GXYLT2: variants seen among roughly 807,000 people sequenced by gnomAD.
The protein encoded by GXYLT2 is glycosyltransferase 8 domain containing 4.
Under a neutral mutation model 45.8 loss-of-function variants are expected in GXYLT2, and 53 were observed. The ratio of observed to expected loss-of-function variants is 1.16; its 90% CI spans 0.93 to 1.46. The LOEUF (loss-of-function observed/expected upper bound fraction) is 1.46. Ranked by LOEUF, GXYLT2 falls within the 40% of genes most tolerant of loss-of-function variation. The pLI is 0.00. For missense variants in GXYLT2, 551 were observed against 544.4 expected, an observed-to-expected ratio of 1.01 and a Z score of -0.12; for synonymous variants, 219 against 214.2, an observed-to-expected ratio of 1.02 and a Z score of -0.19.
Position 72,888,177 on chromosome 3 carries a change from C to A in GXYLT2, c.-57C>A. On this transcript the variant is annotated 5_prime_UTR_variant, in exon 1 of 7. Transcript: ENST00000389617. ...GCTGCTGCACTCATCCTGCCGCCGC[C>A]GCGATGCGCAGAGGGGCCGAGCCGC... 1.0e-6 allele frequency: 1 copy of A among 980,424 alleles called. No homozygotes were observed. Among genetic ancestry groups the A allele is most frequent in the Non-Finnish European group, 1.2e-6 (1 of 827,268 alleles). 60.7% of individuals were successfully genotyped at this position (980,424 alleles called of 1,614,324 possible). A position where few individuals can be genotyped will look rare whatever the true frequency, so the allele number is the denominator to read the frequency against.
chr3:72,920,090 G>A (rs532428447), intron 2 of GXYLT2, among the ~76,000 whole-genome samples: 1 of 151,806 alleles, frequency 6.6e-6, no homozygotes, highest in East Asian at 1.9e-4. Context: ...CTTTTTTCTT[G>A]TTTGTTTTCA....
In GXYLT2 at chr3:72,894,327, A is replaced by T. The variant is rs1301723162; in HGVS notation, c.275+5819A>T. ...GAACTAGATGGTTCTTTTAAATCAA[A>T]ATCTTGGGACTATTGATGGAGAGAA... is the stretch of plus-strand genomic sequence containing the variant. On this transcript the variant is annotated intron_variant, in intron 1 of 6. Transcript: ENST00000389617. Among the ~76,000 whole-genome samples the T allele has an allele frequency of 4.6e-5, 7 of 152,208 alleles. No individual in the cohort carries two copies. In the East Asian group the frequency reaches 5.8e-4, roughly 13 times the overall value.
chr3:72,973,656 A>G (rs989118193), intron 6 of GXYLT2, among the ~76,000 whole-genome samples: 1 of 152,182 alleles, frequency 6.6e-6, no homozygotes, highest in Non-Finnish European at 1.5e-5. Context: ...AGAAGTCGCC[A>G]TATTTGGGAT....
chr3:72,913,644 A>C (rs1041655725), intron 2 of GXYLT2, among the ~76,000 whole-genome samples: 3 of 152,038 alleles, frequency 2.0e-5, no homozygotes, highest in African/African-American at 7.2e-5. Context: ...GCAGTGAGCC[A>C]AGATTACGCC....
intron 1 of GXYLT2, among the ~76,000 whole-genome samples, chr3:72,903,650 A>C (rs935607934): frequency 1.8e-4 from 27 of 152,160 alleles, no homozygotes; most frequent in African/African-American, 6.5e-4. Context: ...CCTGCCCTAC[A>C]TGGTGTTTGG....
intron 2 of GXYLT2, among the ~76,000 whole-genome samples, chr3:72,917,071 G>A (rs1017901540): frequency 6.6e-6 from 1 of 152,100 alleles, no homozygotes; most frequent in Non-Finnish European, 1.5e-5. Context: ...TCGGAAGATA[G>A]GATGCTAACA....
chr3:72,960,093 C>T (rs968926681), intron 5 of GXYLT2, among the ~76,000 whole-genome samples: 26 of 152,296 alleles, frequency 1.7e-4, no homozygotes, highest in African/African-American at 5.8e-4. Context: ...TTACAGGCAC[C>T]TGCCACCACA....
At chr3:72,923,383 C>G (rs555855211) in intron 3 of GXYLT2, among the ~76,000 whole-genome samples, 1 of 152,148 alleles carries the variant, frequency 6.6e-6, no homozygotes, top group Non-Finnish European at 1.5e-5. Flanking sequence ...CCATCACACT[C>G]CAGCCTACCT....
intron 4 of GXYLT2, 144 bp from the exon 5 acceptor site, chr3:72,957,085 T>C: frequency 1.2e-6 from 1 of 815,854 alleles, no homozygotes; most frequent in Non-Finnish European, 1.8e-6. Context: ...TTTTGCTTTG[T>C]TCTGTGACCT....
chr3:72,922,839 G>T (rs1390030650), intron 3 of GXYLT2, among the ~76,000 whole-genome samples: 1 of 152,032 alleles, frequency 6.6e-6, no homozygotes, highest in African/African-American at 2.4e-5. Context: ...AAATCTTGAG[G>T]CCGGCATGGC....
Position 72,888,377 on chromosome 3 carries a change from G to A in GXYLT2, c.144G>A (p.Ala48=), listed in dbSNP as rs993423692. Residue 48 remains alanine, a synonymous_variant, in exon 1 of 7, where the codon GCG becomes GCA. Transcript: ENST00000389617. ...RPASAPQRHP[A]PVPARWPGPG... ...CGTCCGCCCCGCAGCGCCACCCCGC[G>A]CCTGTCCCCGCGCGCTGGCCGGGGC... is the stretch of plus-strand genomic sequence containing the variant. The A allele has an allele frequency of 3.3e-5, 33 of 985,172 alleles. No homozygotes were observed. The highest frequency in any genetic ancestry group is 3.7e-5 in the Non-Finnish European group (31 of 831,610). 61.0% of individuals were successfully genotyped at this position (985,172 alleles called of 1,614,324 possible).
chr3:72,919,127 C>T (rs1003361642), intron 2 of GXYLT2, among the ~76,000 whole-genome samples: 1 of 152,162 alleles, frequency 6.6e-6, no homozygotes, highest in African/African-American at 2.4e-5. Flanking sequence ...AATTGAACTC[C>T]TAAGTATTTA....
chr3:72,927,738 G>A (rs1455742103), intron 3 of GXYLT2, among the ~76,000 whole-genome samples: 1 of 151,990 alleles, frequency 6.6e-6, no homozygotes, highest in Non-Finnish European at 1.5e-5. Flanking sequence ...AGCACCAAGA[G>A]GCCATAAATT....
chr3:72,953,800 A>C (rs1710573722), intron 3 of GXYLT2, among the ~76,000 whole-genome samples: 1 of 152,312 alleles, frequency 6.6e-6, no homozygotes, highest in Admixed American at 6.5e-5. Flanking sequence ...TCTTAGCTAA[A>C]AATACATTTT....
Position 72,921,907 on chromosome 3 carries a change from C to A in GXYLT2, c.469-297C>A, listed in dbSNP as rs185746372. ...GTGGTGAATGTCCTTGTACCTCTGTCTTTTGGGGTGTTGTTACCAGTTTCC... is the reference window on the plus strand; with the variant it reads ...GTGGTGAATGTCCTTGTACCTCTGTATTTTGGGGTGTTGTTACCAGTTTCC... On this transcript the variant is annotated intron_variant, in intron 2 of 6. Transcript: ENST00000389617. 5.9e-5 allele frequency among the ~76,000 whole-genome samples: 9 copies of A among 152,218 alleles called. No homozygotes were observed. The East Asian group carries it at 1.5e-3, about 26-fold the overall frequency.
At chr3:72,948,613 T>C (rs1028932956) in intron 3 of GXYLT2, among the ~76,000 whole-genome samples, 25 of 151,524 alleles carry the variant, frequency 1.6e-4, no homozygotes, top group Non-Finnish European at 1.5e-5. Flanking sequence ...CCAAGGCGGG[T>C]GGATCACGAG....
At chr3:72,962,126 A>G (rs1407387227) in intron 5 of GXYLT2, among the ~76,000 whole-genome samples, 2 of 152,136 alleles carry the variant, frequency 1.3e-5, no homozygotes. Context: ...TTGAGCGTGC[A>G]ACCACACTGT....
chr3:72,908,298 C>T (rs559957243), intron 1 of GXYLT2, 69 bp from the exon 2 acceptor site: 30 of 1,115,032 alleles, frequency 2.7e-5, no homozygotes, highest in Non-Finnish European at 2.7e-5. Flanking sequence ...ACCATTCACT[C>T]GCCGGTTTTT....
intron 2 of GXYLT2, among the ~76,000 whole-genome samples, chr3:72,921,303 A>G (rs769136561): frequency 6.6e-5 from 10 of 152,344 alleles, no homozygotes; most frequent in Non-Finnish European, 1.0e-4. Flanking sequence ...ATTAGTGACA[A>G]TGATATAGAA....
Sources: allele counts gnomAD v4.1 joint callset (sites outside exome capture counted in the v4.1 genomes callset), GRCh38; gene constraint gnomAD v4.1.1; transcripts MANE v1.5; gene names NCBI Gene and HGNC (gene_info 2026-07-23, HGNC 2026-07-21).